The following C5orf24 variants were observed in gnomAD, a reference collection of about 807,000 sequenced individuals.
C5orf24 encodes the protein UPF0461 protein C5orf24.
C5orf24 carries 4 observed loss-of-function variants against 9.8 expected under a neutral mutation model. That is an observed-to-expected ratio of 0.41 (90% CI 0.20 to 0.93). The LOEUF (loss-of-function observed/expected upper bound fraction) is 0.93, where lower values mean the gene tolerates loss of function less well. Ranked by LOEUF, C5orf24 falls within the 40% of genes least tolerant of loss-of-function variation. C5orf24 has a pLI of 0.33. For synonymous variants in C5orf24, 73 were observed against 81.3 expected, an observed-to-expected ratio of 0.90 and a Z score of 0.55; for missense variants, 170 against 236.9, an observed-to-expected ratio of 0.72 and a Z score of 1.85.
chr5:134,856,528 C>A lies in C5orf24; in HGVS notation c.*1061C>A. The A allele has an allele frequency of 3.4e-6, 1 of 292,952 alleles. No homozygotes were observed. The highest frequency in any genetic ancestry group is 5.4e-6 in the Non-Finnish European group (1 of 186,680). The allele number at this position is 292,952 out of a possible 1,614,324, so 18.1% of individuals were successfully genotyped here. A position where few individuals can be genotyped will look rare whatever the true frequency, so the allele number is the denominator to read the frequency against. On this transcript the variant is annotated 3_prime_UTR_variant, in exon 2 of 2. Transcript: ENST00000394976. ...TGGTGGCGGGCGCCTGTAATCCAAG[C>A]TACTGGGGAGGCTGAGGCAGGAGAA...
rs762668716 is a variant in C5orf24, at chr5:134,857,987, G to A, written c.*2520G>A. On this transcript the variant is annotated 3_prime_UTR_variant, in exon 2 of 2. Coordinates refer to ENST00000394976, the MANE Select transcript of C5orf24 (RefSeq NM_001135586.1). ...CCCTCCAGCACATCTACTTACTGGT[G>A]CTGTGCTGTGTGTCAGAAGATAAAA... 1 of 166,954 alleles carries A rather than the reference G, an allele frequency of 6.0e-6. No homozygotes were observed. Among genetic ancestry groups the A allele is most frequent in the Non-Finnish European group, 1.5e-5 (1 of 68,120 alleles). The allele number at this position is 166,954 out of a possible 1,614,324, so 10.3% of individuals were successfully genotyped here.
At chr5:134,839,227 T>G in the C5orf24 span, among the ~76,000 whole-genome samples, 1 of 151,590 alleles carries the variant, frequency 6.6e-6, no homozygotes, top group Non-Finnish European at 1.5e-5. Context: ...CCAATCTGAG[T>G]TAATTTTCTA....
chr5:134,857,352 A>C lies in C5orf24; in HGVS notation c.*1885A>C, dbSNP rs1231396598. The C allele has an allele frequency of 6.5e-7, 1 of 1,546,890 alleles. No homozygotes were observed. The highest frequency in any genetic ancestry group is 1.2e-5 in the South Asian group (1 of 83,618). On this transcript the variant is annotated 3_prime_UTR_variant, in exon 2 of 2. Coordinates refer to ENST00000394976, the MANE Select transcript of C5orf24 (RefSeq NM_001135586.1). ...GGATGTCATGTTTCATACCTTTTTT[A>C]TCAGGAAAAAAGCAGCAAGCCTTCA...
At chr5:134,835,698 T>C in the C5orf24 span, among the ~76,000 whole-genome samples, 4 of 152,122 alleles carry the variant, frequency 2.6e-5, no homozygotes, top group African/African-American at 9.7e-5. Context: ...TTTTCTTCTT[T>C]ATTTTACTTT....
the C5orf24 span, among the ~76,000 whole-genome samples, chr5:134,834,862 T>A: frequency 2.6e-5 from 4 of 151,986 alleles, no homozygotes; most frequent in East Asian, 7.8e-4. Flanking sequence ...CTGGCCAATA[T>A]AGTAAAACCT....
At position 134,846,000 on chromosome 5, in the gene C5orf24, T is replaced by G. The variant is rs1402223684; in HGVS notation, c.-216T>G. 1 of 152,240 alleles carries G rather than the reference T, an allele frequency of 6.6e-6. No individual in the cohort carries two copies. The highest frequency in any genetic ancestry group is 1.5e-5 in the Non-Finnish European group (1 of 68,062). 9.4% of individuals were successfully genotyped at this position (152,240 alleles called of 1,614,324 possible). On this transcript the variant is annotated 5_prime_UTR_variant, in exon 1 of 2. Coordinates refer to ENST00000394976, the MANE Select transcript of C5orf24 (RefSeq NM_001135586.1). Reference sequence around the variant, plus strand: ...CAGGGTGGTAGCGGCCTCTTCGTACTGCGTCCGGGGCAGGACCGTGCGCGG... The same window carrying G: ...CAGGGTGGTAGCGGCCTCTTCGTACGGCGTCCGGGGCAGGACCGTGCGCGG...
the C5orf24 span, among the ~76,000 whole-genome samples, chr5:134,836,856 T>C: frequency 7.2e-5 from 11 of 152,316 alleles, no homozygotes; most frequent in Admixed American, 7.2e-4. Context: ...AAGTTTTTTA[T>C]AATATGTTGC....
At position 134,855,428 on chromosome 5, in the gene C5orf24, A is replaced by G; in HGVS notation, c.528A>G (p.Val176=). Residue 176 remains valine (V), a synonymous_variant, in exon 2 of 2, where the codon GTA becomes GTG. Coordinates refer to ENST00000394976, the MANE Select transcript of C5orf24 (RefSeq NM_001135586.1). ...TGCATGGCAGAGCAGTTCATGGGGTAGAGGAAACTAGCAGTGAAGTCAAAC... is the reference window on the plus strand; with the variant it reads ...TGCATGGCAGAGCAGTTCATGGGGTGGAGGAAACTAGCAGTGAAGTCAAAC... ...PMMHGRAVHG[V]EETSSEVKPP... The G allele has an allele frequency of 6.2e-7, 1 of 1,614,204 alleles. No individual in the cohort carries two copies. Among genetic ancestry groups the G allele is most frequent in the South Asian group, 1.1e-5 (1 of 91,084 alleles).
the C5orf24 span, among the ~76,000 whole-genome samples, chr5:134,837,990 T>TA: frequency 1.1e-4 from 17 of 152,196 alleles, no homozygotes; most frequent in African/African-American, 4.1e-4. Context: ...CTCACACCTG[T>TA]AATCCTAGCA....
chr5:134,856,228 G>A lies in C5orf24; in HGVS notation c.*761G>A, dbSNP rs1490414810. On this transcript the variant is annotated 3_prime_UTR_variant, in exon 2 of 2. Transcript: ENST00000394976. Reference sequence around the variant, plus strand: ...AAAAACTGCACATTACATTTTTGGTGAAATATAGTGCATTCTGAGGATAGC... The same window carrying A: ...AAAAACTGCACATTACATTTTTGGTAAAATATAGTGCATTCTGAGGATAGC... The A allele has an allele frequency of 5.0e-6, 5 of 991,586 alleles. No homozygotes were observed. In the African/African-American group the frequency reaches 8.8e-5, roughly 17 times the overall value. The allele number at this position is 991,586 out of a possible 1,614,324, so 61.4% of individuals were successfully genotyped here.
chr5:134,846,769 GTTATTTA>G (rs926529092), intron 1 of C5orf24: 10 of 152,208 alleles, frequency 6.6e-5, no homozygotes, highest in African/African-American at 2.4e-4. Context: ...AAAGGAGGCC[GTTATTTA>G]TGTGCCGTCC....
rs1392871129 is a variant in C5orf24 at position 134,859,436 on chromosome 5, A to G, written c.*3969A>G. 6.0e-6 allele frequency: 1 copy of G among 166,926 alleles called. No individual in the cohort carries two copies. The highest frequency in any genetic ancestry group is 1.5e-5 in the Non-Finnish European group (1 of 68,092). The allele number at this position is 166,926 out of a possible 1,614,324, so 10.3% of individuals were successfully genotyped here. On this transcript the variant is annotated 3_prime_UTR_variant, in exon 2 of 2. Coordinates refer to ENST00000394976, the MANE Select transcript of C5orf24 (RefSeq NM_001135586.1). ...ATGTATTTAATTTTTGGAAAATTTA[A>G]TGCTATATAGTAAATCAAGTGTGTG... is the stretch of plus-strand genomic sequence containing the variant.
chr5:134,835,377 C>T, the C5orf24 span, among the ~76,000 whole-genome samples: 3 of 152,102 alleles, frequency 2.0e-5, no homozygotes, highest in Non-Finnish European at 2.9e-5. Context: ...AGGCCGGATG[C>T]GTTGGCTCAC....
At chr5:134,842,913 C>T (rs773268418), upstream of C5orf24, among the ~76,000 whole-genome samples, 2 of 152,134 alleles carry the variant, frequency 1.3e-5, no homozygotes, top group Non-Finnish European at 2.9e-5. Flanking sequence ...AATCCAAACT[C>T]GAAACTCAAA....
chr5:134,853,528 C>CTTTTTTTTTTTTTTTTTTT (rs773207000), intron 1 of C5orf24, among the ~76,000 whole-genome samples: 8 of 104,240 alleles, frequency 7.7e-5, no homozygotes, highest in East Asian at 3.3e-4. Flanking sequence ...TCTTCTTCTT[C>CTTTTTTTTTTTTTTTTTTT]TTTTTTTTTT....
At chr5:134,848,783 A>G (rs1261155093) in intron 1 of C5orf24, among the ~76,000 whole-genome samples, 1 of 150,488 alleles carries the variant, frequency 6.6e-6, no homozygotes, top group Non-Finnish European at 1.5e-5. Flanking sequence ...TAACATGGTG[A>G]AACGTCGTCT....
At position 134,856,184 on chromosome 5, in the gene C5orf24, A is replaced by T; in HGVS notation, c.*717A>T. On this transcript the variant is annotated 3_prime_UTR_variant, in exon 2 of 2. Transcript: ENST00000394976. ...CACTACAAACAATTCATATTTACAG[A>T]AAATTTAAACTATTTTATAAAAACT... The T allele has an allele frequency of 1.0e-6, 1 of 996,506 alleles. No homozygotes were observed. Among genetic ancestry groups the T allele is most frequent in the Non-Finnish European group, 1.2e-6 (1 of 826,550 alleles). The allele number at this position is 996,506 out of a possible 1,614,324, so 61.7% of individuals were successfully genotyped here. A position where few individuals can be genotyped will look rare whatever the true frequency, so the allele number is the denominator to read the frequency against.
Position 134,845,990 on chromosome 5 carries a change from C to G in C5orf24, c.-226C>G, listed in dbSNP as rs778778026. 2.0e-5 allele frequency: 3 copies of G among 152,234 alleles called. No individual in the cohort carries two copies. The highest frequency in any genetic ancestry group is 4.8e-5 in the African/African-American group (2 of 41,460). The allele number at this position is 152,234 out of a possible 1,614,324, so 9.4% of individuals were successfully genotyped here. On this transcript the variant is annotated 5_prime_UTR_variant, in exon 1 of 2. Transcript: ENST00000394976. ...TCTAACACTACAGGGTGGTAGCGGC[C>G]TCTTCGTACTGCGTCCGGGGCAGGA...
chr5:134,842,106 AT>A (rs1755901889), upstream of C5orf24, among the ~76,000 whole-genome samples: 1 of 152,134 alleles, frequency 6.6e-6, no homozygotes, highest in African/African-American at 2.4e-5. Context: ...ATTGGTCACT[AT>A]TTCTCTCATA....
Sources: allele counts gnomAD v4.1 joint callset (sites outside exome capture counted in the v4.1 genomes callset), GRCh38; gene constraint gnomAD v4.1.1; transcripts MANE v1.5; gene names NCBI Gene and HGNC (gene_info 2026-07-23, HGNC 2026-07-21).